Variants in COL23A1 observed in about 807,000 individuals in gnomAD.
The protein encoded by COL23A1 is collagen alpha-1(XXIII) chain.
In COL23A1, 97 loss-of-function variants were observed where a neutral mutation model predicts 99.3. That is an observed-to-expected ratio of 0.98 (90% CI 0.83 to 1.16). The LOEUF (loss-of-function observed/expected upper bound fraction) is 1.16. COL23A1 is among the 50% of genes most tolerant of loss of function. The pLI, the probability that COL23A1 is intolerant of heterozygous loss-of-function variation, is 0.00. For missense variants in COL23A1, 762 were observed against 757.4 expected, an observed-to-expected ratio of 1.01 and a Z score of -0.07; for synonymous variants, 320 against 308.2, an observed-to-expected ratio of 1.04 and a Z score of -0.40.
intron 2 of COL23A1, chr5:178,344,718 G>A (rs941207982): frequency 1.8e-5 from 6 of 341,328 alleles, no homozygotes; most frequent in African/African-American, 1.3e-4. Context: ...TCTACAGTTG[G>A]TTGAAACCAG....
chr5:178,551,788 G>A (rs1050760242), intron 2 of COL23A1, among the ~76,000 whole-genome samples: 1 of 152,172 alleles, frequency 6.6e-6, no homozygotes, highest in African/African-American at 2.4e-5. Flanking sequence ...TTGGAACCAA[G>A]TATGATCTAG....
rs1404349162 is a variant in COL23A1, at chr5:178,565,292, G to GCTGAGGGCAATTT, written c.295-4557_295-4545dup. On this transcript the variant is annotated intron_variant, in intron 1 of 28. Coordinates refer to ENST00000390654, the MANE Select transcript of COL23A1 (RefSeq NM_173465.4). ...CAATGTAAACCCTTGAAATCCCCCCGCTGAGGGCAATTTCGGAGCGACAGA... is the reference window on the plus strand; with the variant it reads ...CAATGTAAACCCTTGAAATCCCCCCGCTGAGGGCAATTTCTGAGGGCAATTTCGGAGCGACAGA... Among the ~76,000 whole-genome samples the GCTGAGGGCAATTT allele has an allele frequency of 2.4e-4, 37 of 152,134 alleles. 1 individual carries two copies. The highest frequency in any genetic ancestry group is 8.7e-4 in the African/African-American group (36 of 41,398).
At chr5:178,547,344 G>A (rs1300554359) in intron 2 of COL23A1, among the ~76,000 whole-genome samples, 1 of 151,882 alleles carries the variant, frequency 6.6e-6, no homozygotes, top group Non-Finnish European at 1.5e-5. Context: ...CGAGAACATG[G>A]GAAAGAACAT....
At chr5:178,519,454 A>G (rs1291191888) in intron 2 of COL23A1, among the ~76,000 whole-genome samples, 2 of 152,226 alleles carry the variant, frequency 1.3e-5, no homozygotes, top group East Asian at 1.9e-4. Flanking sequence ...TGTGGGGAAC[A>G]AGTGGCCGCG....
chr5:178,282,912 C>T (rs1756974386), intron 5 of COL23A1, among the ~76,000 whole-genome samples: 1 of 152,006 alleles, frequency 6.6e-6, no homozygotes, highest in African/African-American at 2.4e-5. Context: ...GCTCTGTCAC[C>T]CAGGTTGGAG....
At chr5:178,257,059 G>T in intron 13 of COL23A1, 131 bp from the exon 14 acceptor site, 1 of 767,838 alleles carries the variant, frequency 1.3e-6, no homozygotes, top group African/African-American at 1.7e-5. Context: ...CTGAGTCCAT[G>T]GGGGGTGTGG....
intron 2 of COL23A1, among the ~76,000 whole-genome samples, chr5:178,520,147 C>T (rs1003838311): frequency 6.6e-6 from 1 of 152,022 alleles, no homozygotes; most frequent in South Asian, 2.1e-4. Context: ...AATGGTTGGA[C>T]AGATGCATGT....
At chr5:178,431,733 T>C (rs1472188213) in intron 2 of COL23A1, among the ~76,000 whole-genome samples, 1 of 152,210 alleles carries the variant, frequency 6.6e-6, no homozygotes, top group African/African-American at 2.4e-5. Context: ...AAAAGACTCA[T>C]TGCAAACTTC....
At chr5:178,311,810 A>C (rs2127612838) in intron 2 of COL23A1, among the ~76,000 whole-genome samples, 1 of 144,094 alleles carries the variant, frequency 6.9e-6, no homozygotes, top group South Asian at 2.2e-4. Flanking sequence ...GGCTCACCGC[A>C]ACCTCCGCCT....
intron 1 of COL23A1, 126 bp from the exon 2 acceptor site, chr5:178,560,874 T>G (rs1278265898): frequency 1.2e-6 from 1 of 837,188 alleles, no homozygotes; most frequent in African/African-American, 1.7e-5. Flanking sequence ...GGGCTGTCTG[T>G]GAGACCATCT....
chr5:178,357,736 G>GTGTATGTA (rs1353482179), intron 2 of COL23A1, among the ~76,000 whole-genome samples: 59 of 150,132 alleles, frequency 3.9e-4, no homozygotes, highest in South Asian at 6.5e-4. Flanking sequence ...GTGTGTGTGT[G>GTGTATGTA]TATGTACGTG....
intron 6 of COL23A1, among the ~76,000 whole-genome samples, chr5:178,269,182 C>T (rs976484997): frequency 6.6e-6 from 1 of 151,948 alleles, no homozygotes; most frequent in Non-Finnish European, 1.5e-5. Context: ...TAGGCATTCT[C>T]TTCTTCTTTT....
chr5:178,464,110 C>T (rs1002787271), intron 2 of COL23A1, among the ~76,000 whole-genome samples: 1 of 152,170 alleles, frequency 6.6e-6, no homozygotes, highest in Non-Finnish European at 1.5e-5. Context: ...TACAGCTCAG[C>T]GGCATTAAGT....
At chr5:178,442,711 G>A (rs879262204) in intron 2 of COL23A1, among the ~76,000 whole-genome samples, 5 of 152,318 alleles carry the variant, frequency 3.3e-5, no homozygotes, top group Admixed American at 1.3e-4. Flanking sequence ...GAGAAGAATC[G>A]GAGTGGAACA....
intron 2 of COL23A1, among the ~76,000 whole-genome samples, chr5:178,534,384 G>T: frequency 6.6e-6 from 1 of 152,164 alleles, no homozygotes; most frequent in East Asian, 1.9e-4. Context: ...TCACGGTGAG[G>T]ATTTTGCTGT....
intron 2 of COL23A1, among the ~76,000 whole-genome samples, chr5:178,318,693 G>C (rs1283987965): frequency 6.6e-6 from 1 of 152,226 alleles, no homozygotes; most frequent in African/African-American, 2.4e-5. Context: ...CCTGAGGTCA[G>C]GAGTTCGAGA....
chr5:178,500,337 C>T (rs1033766943), intron 2 of COL23A1, among the ~76,000 whole-genome samples: 2 of 138,972 alleles, frequency 1.4e-5, no homozygotes, highest in Non-Finnish European at 3.0e-5. Context: ...CCTATAATCT[C>T]AACACTTTGG....
chr5:178,359,034 G>C (rs1432204360), intron 2 of COL23A1, among the ~76,000 whole-genome samples: 3 of 152,186 alleles, frequency 2.0e-5, no homozygotes, highest in Non-Finnish European at 4.4e-5. Flanking sequence ...GAAGAGGAAA[G>C]GGTGATCTAT....
At chr5:178,275,493 A>G (rs1355565516) in intron 5 of COL23A1, among the ~76,000 whole-genome samples, 1 of 152,200 alleles carries the variant, frequency 6.6e-6, no homozygotes, top group Non-Finnish European at 1.5e-5. Flanking sequence ...AACCAGCCCT[A>G]TAAACGTTAT....
Sources: allele counts gnomAD v4.1 joint callset (sites outside exome capture counted in the v4.1 genomes callset), GRCh38; gene constraint gnomAD v4.1.1; transcripts MANE v1.5; gene names NCBI Gene and HGNC (gene_info 2026-07-23, HGNC 2026-07-21).